Variants in EPHA7 observed in about 807,000 individuals in gnomAD.
EPHA7 encodes the protein EPH receptor A7.
A neutral mutation model predicts 112.6 loss-of-function variants in EPHA7; 25 were observed. The ratio of observed to expected loss-of-function variants is 0.22; its 90% CI spans 0.16 to 0.31. The LOEUF (loss-of-function observed/expected upper bound fraction) is 0.31. EPHA7 is among the 10% of genes least tolerant of loss of function. The pLI, the probability that EPHA7 is intolerant of heterozygous loss-of-function variation, is 1.00. For synonymous variants in EPHA7, 437 were observed against 406.5 expected (o/e 1.07, Z -0.90); for missense variants, 962 against 1,212.6 (o/e 0.79, Z 3.07).
chr6:93,261,082 C>A (rs1385867724), intron 9 of EPHA7, among the ~76,000 whole-genome samples: 2 of 151,516 alleles, frequency 1.3e-5, no homozygotes, highest in African/African-American at 4.8e-5. Flanking sequence ...TTTTGACAGA[C>A]CAGAGCTTTT....
chr6:93,371,184 A>G (rs1776777001), intron 3 of EPHA7, among the ~76,000 whole-genome samples: 3 of 151,760 alleles, frequency 2.0e-5, no homozygotes, highest in African/African-American at 7.3e-5. Flanking sequence ...AAAAAAAGAA[A>G]AAGCACAGTC....
intron 5 of EPHA7, among the ~76,000 whole-genome samples, chr6:93,327,297 T>C (rs1213554397): frequency 1.3e-5 from 2 of 151,532 alleles, no homozygotes; most frequent in Non-Finnish European, 3.0e-5. Flanking sequence ...ATTATCTCAA[T>C]GGCCATTCAT....
intron 8 of EPHA7, 78 bp from the exon 9 acceptor site, chr6:93,263,993 A>T (rs1469945687): frequency 9.7e-7 from 1 of 1,027,578 alleles, no homozygotes; most frequent in East Asian, 2.6e-5. Context: ...TACCTTAGTT[A>T]CTCAACAACT....
intron 3 of EPHA7, among the ~76,000 whole-genome samples, chr6:93,406,374 T>C (rs1778722388): frequency 6.6e-6 from 1 of 151,678 alleles, no homozygotes; most frequent in South Asian, 2.1e-4. Context: ...AAAGAAGCAG[T>C]GTTAATTAAA....
At chr6:93,295,724 A>T (rs1374844160) in intron 5 of EPHA7, among the ~76,000 whole-genome samples, 1 of 151,574 alleles carries the variant, frequency 6.6e-6, no homozygotes, top group Non-Finnish European at 1.5e-5. Context: ...TATGGAACTG[A>T]TTTTATCTAT....
At chr6:93,396,050 C>T (rs553639075) in intron 3 of EPHA7, among the ~76,000 whole-genome samples, 2 of 151,942 alleles carry the variant, frequency 1.3e-5, no homozygotes, top group South Asian at 4.1e-4. Flanking sequence ...TCTCTGCTGT[C>T]TATTGGAAAG....
intron 3 of EPHA7, among the ~76,000 whole-genome samples, chr6:93,367,818 T>A (rs1776591867): frequency 6.6e-6 from 1 of 152,148 alleles, no homozygotes; most frequent in Non-Finnish European, 1.5e-5. Context: ...TGGCATAGAC[T>A]AAGCACTCAA....
chr6:93,388,979 C>T (rs1341113220), intron 3 of EPHA7, among the ~76,000 whole-genome samples: 1 of 151,930 alleles, frequency 6.6e-6, no homozygotes, highest in Non-Finnish European at 1.5e-5. Flanking sequence ...CAAATGCACA[C>T]AAATAAATTA....
At chr6:93,399,833 T>C (rs981544385) in intron 3 of EPHA7, among the ~76,000 whole-genome samples, 3 of 152,090 alleles carry the variant, frequency 2.0e-5, no homozygotes, top group African/African-American at 2.4e-5. Context: ...CTGTCATTAA[T>C]GAACTGTTGG....
intron 6 of EPHA7, among the ~76,000 whole-genome samples, chr6:93,270,428 A>G (rs1444829921): frequency 1.3e-5 from 2 of 151,496 alleles, no homozygotes; most frequent in Non-Finnish European, 3.0e-5. Context: ...ATAAATGTAA[A>G]AACTCAAGCA....
rs138983134 is a variant in EPHA7 at position 93,345,997 on chromosome 6, G to C, written c.1324+10720C>G. ...AGTGAAAACAGAACAACAACTAAATGCTTGTCCAAATTTAAAGACAATCTC... is the reference window on the plus strand; with the variant it reads ...AGTGAAAACAGAACAACAACTAAATCCTTGTCCAAATTTAAAGACAATCTC... On this transcript the variant is annotated intron_variant, in intron 5 of 16. Transcript: ENST00000369303. Among the ~76,000 whole-genome samples, 22 of 151,714 alleles carry C rather than the reference G, an allele frequency of 1.5e-4. No individual in the cohort carries two copies. In the East Asian group the frequency reaches 4.1e-3, roughly 28 times the overall value.
chr6:93,351,038 G>A (rs1439655234), intron 5 of EPHA7, among the ~76,000 whole-genome samples: 1 of 151,888 alleles, frequency 6.6e-6, no homozygotes, highest in African/African-American at 2.4e-5. Flanking sequence ...GTAATGGGCT[G>A]CCCACATTCT....
At chr6:93,321,184 T>A (rs1774052122) in intron 5 of EPHA7, among the ~76,000 whole-genome samples, 1 of 151,990 alleles carries the variant, frequency 6.6e-6, no homozygotes, top group Non-Finnish European at 1.5e-5. Flanking sequence ...TAAAAATGTA[T>A]ATAACTGGTC....
chr6:93,273,598 C>T (rs1239253437), intron 5 of EPHA7, among the ~76,000 whole-genome samples: 1 of 151,932 alleles, frequency 6.6e-6, no homozygotes, highest in Non-Finnish European at 1.5e-5. Flanking sequence ...CTCTCATTTC[C>T]TCCCAGATTA....
At chr6:93,347,438 G>GC (rs1775457027) in intron 5 of EPHA7, among the ~76,000 whole-genome samples, 1 of 144,504 alleles carries the variant, frequency 6.9e-6, no homozygotes, top group Non-Finnish European at 1.5e-5. Context: ...TTTTTTGGAG[G>GC]GGAAAAATCA....
intron 5 of EPHA7, among the ~76,000 whole-genome samples, chr6:93,279,386 G>A (rs1177536609): frequency 6.6e-6 from 1 of 152,046 alleles, no homozygotes; most frequent in East Asian, 1.9e-4. Context: ...TTATCAATAA[G>A]CATGGTCCTT....
chr6:93,314,118 A>G (rs1773673511), intron 5 of EPHA7, among the ~76,000 whole-genome samples: 1 of 149,142 alleles, frequency 6.7e-6, no homozygotes, highest in Non-Finnish European at 1.5e-5. Flanking sequence ...TCATTCATTT[A>G]TTTCAATTGC....
intron 3 of EPHA7, among the ~76,000 whole-genome samples, chr6:93,391,506 C>T (rs1201950572): frequency 7.2e-5 from 11 of 151,802 alleles, no homozygotes; most frequent in Admixed American, 6.6e-4. Context: ...TAGAAAAGGA[C>T]AGAGAAGGAC....
chr6:93,394,389 G>C (rs1291865550), intron 3 of EPHA7, among the ~76,000 whole-genome samples: 1 of 151,656 alleles, frequency 6.6e-6, no homozygotes, highest in African/African-American at 2.4e-5. Context: ...TATCAACACA[G>C]ATAATTTCTC....
Sources: allele counts gnomAD v4.1 joint callset (sites outside exome capture counted in the v4.1 genomes callset), GRCh38; gene constraint gnomAD v4.1.1; transcripts MANE v1.5; gene names NCBI Gene and HGNC (gene_info 2026-07-23, HGNC 2026-07-21).